Variants in TIMM17B observed in about 807,000 individuals in gnomAD.
TIMM17B encodes the protein mitochondrial import inner membrane translocase subunit Tim17-B.
A neutral mutation model predicts 15.9 loss-of-function variants in TIMM17B; 10 were observed. That is an observed-to-expected ratio of 0.63 (90% CI 0.39 to 1.06). The LOEUF (loss-of-function observed/expected upper bound fraction) is 1.06, where lower values mean the gene tolerates loss of function less well. TIMM17B is among the 50% of genes least tolerant of loss of function. TIMM17B has a pLI of 0.01. For synonymous variants in TIMM17B, 57 were observed against 57.2 expected, an observed-to-expected ratio of 1.00 and a Z score of 0.02; for missense variants, 114 against 152.2, an observed-to-expected ratio of 0.75 and a Z score of 1.32.
intron 6 of TIMM17B, 28 bp downstream of exon 5, chrX:48,893,872 C>G: frequency 8.5e-7 from 1 of 1,182,264 alleles, no homozygotes; most frequent in Non-Finnish European, 1.1e-6. Context: ...TGGAGTATTT[C>G]CCACTCCCCC....
chrX:48,894,752 C>G (rs1022789596), intron 4 of TIMM17B, among the ~76,000 whole-genome samples: 1 of 111,412 alleles, frequency 9.0e-6, no homozygotes, highest in Non-Finnish European at 1.9e-5. Flanking sequence ...ATAAAACTAC[C>G]GATGAAGTGG....
chrX:48,895,303 C>G lies in TIMM17B; in HGVS notation c.127-202G>C, dbSNP rs1557039302. On this transcript the variant is annotated intron_variant, in intron 3 of 6. Coordinates refer to ENST00000376582, the Ensembl canonical transcript of TIMM17B. ...CTAGGTTGAGAAGTGCTAATTCATT[C>G]ATACATTTGTTCATTCATTCATTCA... The G allele has an allele frequency of 5.9e-6, 3 of 505,104 alleles. No homozygotes were observed. In the Admixed American group the frequency reaches 8.1e-5, roughly 14 times the overall value. 41.6% of individuals were successfully genotyped at this position (505,104 alleles called of 1,213,427 possible). A position where few individuals can be genotyped will look rare whatever the true frequency, so the allele number is the denominator to read the frequency against.
chrX:48,896,978 A>C, intron 2 of TIMM17B, 120 bp from the exon 2 acceptor site: 1 of 1,126,289 alleles, frequency 8.9e-7, no homozygotes, highest in Non-Finnish European at 1.2e-6. Flanking sequence ...AAGTAGGAAC[A>C]AACACTTCAG....
At chrX:48,897,797 G>A (rs1557039948) in exon 2 of TIMM17B, 2 of 1,198,790 alleles carry the variant, frequency 1.7e-6, no homozygotes, top group Non-Finnish European at 2.2e-6. Flanking sequence ...CAGCGTAGAC[G>A]CACACCGGCG....
chrX:48,895,678 C>G (rs2063303672), intron 3 of TIMM17B: 1 of 365,387 alleles, frequency 2.7e-6, no homozygotes, highest in East Asian at 3.9e-5. Flanking sequence ...ATTGCAGAGA[C>G]CTTGGCTAAT....
rs782499907 is a variant in TIMM17B at position 48,897,776 on chromosome X, G to A, written c.-27C>T. ...GCGCTGGCGTCTGGCCGCGCAGTCA[G>A]GCCACGCCCCCAGCGTAGACGCACA... On this transcript the variant is annotated 5_prime_UTR_variant, in exon 2 of 7. Transcript: ENST00000376582. 2 of 1,207,974 alleles carry A rather than the reference G, an allele frequency of 1.7e-6. No individual in the cohort carries two copies. The highest frequency in any genetic ancestry group is 2.3e-4 in the Middle Eastern group (1 of 4,347).
At chrX:48,893,514 C>T (rs1224470969) in exon 7 of TIMM17B, 3 of 366,802 alleles carry the variant, frequency 8.2e-6, no homozygotes, top group East Asian at 4.2e-5. Context: ...GTGAGAACTT[C>T]GTACATGTGA....
At chrX:48,895,786 G>A (rs2063304293) in intron 3 of TIMM17B, 1 of 249,707 alleles carries the variant, frequency 4.0e-6, no homozygotes, top group Non-Finnish European at 7.2e-6. Flanking sequence ...CTTCAAGGCT[G>A]TCTTCCGTCT....
At chrX:48,894,752 C>T (rs1022789596) in intron 4 of TIMM17B, among the ~76,000 whole-genome samples, 10 of 111,412 alleles carry the variant, frequency 9.0e-5, no homozygotes, top group African/African-American at 3.3e-4. Context: ...ATAAAACTAC[C>T]GATGAAGTGG....
intron 3 of TIMM17B, 33 bp downstream of exon 2, chrX:48,896,726 C>A (rs782445698): frequency 8.3e-7 from 1 of 1,210,120 alleles, no homozygotes; most frequent in East Asian, 3.0e-5. Context: ...AGATAGCTAA[C>A]CCCACACCAA....
In TIMM17B at chrX:48,897,709, T is replaced by C. The variant is rs376819581; in HGVS notation, c.26+15A>G. 2.5e-6 allele frequency: 3 copies of C among 1,193,477 alleles called. No individual in the cohort carries two copies. The highest frequency in any genetic ancestry group is 3.5e-5 in the African/African-American group (2 of 57,047). Reference sequence around the variant, plus strand: ...GTCGCAGCAATATTCCGGATGCCTGTGCCCATTGCCGTACCAGGGCTCCCG... The same window carrying C: ...GTCGCAGCAATATTCCGGATGCCTGCGCCCATTGCCGTACCAGGGCTCCCG... On this transcript the variant is annotated intron_variant, in intron 2 of 6. Transcript: ENST00000376582.
exon 3 of TIMM17B, chrX:48,896,824 A>G: frequency 8.3e-7 from 1 of 1,210,211 alleles, no homozygotes; most frequent in Non-Finnish European, 1.1e-6. Context: ...CCCATAGTGA[A>G]GGCTCCACCG....
intron 3 of TIMM17B, 179 bp downstream of exon 2, chrX:48,896,580 C>G (rs1408680649): frequency 6.2e-6 from 6 of 974,973 alleles, no homozygotes; most frequent in Non-Finnish European, 8.2e-6. Context: ...AAGACAGAGG[C>G]CATGTTTGCA....
chrX:48,897,463 G>C (rs1403925292), intron 2 of TIMM17B: 2 of 408,304 alleles, frequency 4.9e-6, no homozygotes, highest in East Asian at 8.2e-5. Flanking sequence ...CGTCCAGCGT[G>C]TCTTTTTTCG....
Position 48,893,836 on chromosome X carries a change from G to T in TIMM17B, c.431-19C>A. On this transcript the variant is annotated intron_variant, in intron 6 of 6. Transcript: ENST00000376582. ...GGGGGCGCTGGAGAAGGGAGACTTG[G>T]GTAAGGATGAGTGGAAGAGGCCAGG... 8.4e-7 allele frequency: 1 copy of T among 1,187,593 alleles called. No individual in the cohort carries two copies. The highest frequency in any genetic ancestry group is 1.1e-6 in the Non-Finnish European group (1 of 879,367).
intron 1 of TIMM17B, 190 bp from the exon 1 acceptor site, chrX:48,897,958 G>T: frequency 3.4e-6 from 3 of 874,188 alleles, no homozygotes; most frequent in Non-Finnish European, 4.6e-6. Flanking sequence ...GGGAGTGAAG[G>T]CCTCGTTGAG....
In TIMM17B at chrX:48,896,471, A is replaced by C. The variant is rs1290523960; in HGVS notation, c.126+288T>G. 4 of 334,808 alleles carry C rather than the reference A, an allele frequency of 1.2e-5. No individual in the cohort carries two copies. The East Asian group carries it at 2.5e-4, about 21-fold the overall frequency. 27.6% of individuals were successfully genotyped at this position (334,808 alleles called of 1,213,427 possible). ...CAAGACTGTCTCAAAAAAAAAAAAAACTGTCTGGCTTTGCACATACATTTA... is the reference window on the plus strand; with the variant it reads ...CAAGACTGTCTCAAAAAAAAAAAAACCTGTCTGGCTTTGCACATACATTTA... On this transcript the variant is annotated intron_variant, in intron 3 of 6. Transcript: ENST00000376582.
intron 3 of TIMM17B, chrX:48,896,510 A>G (rs1359846643): frequency 3.9e-6 from 2 of 513,328 alleles, no homozygotes; most frequent in African/African-American, 4.8e-5. Context: ...TTTGGTGATG[A>G]CTCTTTGAAC....
intron 1 of TIMM17B, 88 bp from the exon 1 acceptor site, chrX:48,897,856 A>T: frequency 9.2e-7 from 1 of 1,083,707 alleles, no homozygotes; most frequent in Non-Finnish European, 1.2e-6. Flanking sequence ...GCTATACCGC[A>T]TGTCACGCCA....
Sources: gnomAD v4.1 joint callset for allele counts (sites outside exome capture counted in the v4.1 genomes callset) on GRCh38, gnomAD v4.1.1 for gene constraint, MANE v1.5 for transcripts, NCBI Gene and HGNC (gene_info 2026-07-23, HGNC 2026-07-21) for gene names.